FAM227A: variants seen among roughly 807,000 people sequenced by gnomAD.
The protein encoded by FAM227A is family with sequence similarity 227 member A.
Under a neutral mutation model 74.7 loss-of-function variants are expected in FAM227A, and 80 were observed. The observed-to-expected ratio is 1.07, with a 90% CI of 0.89 to 1.29. The LOEUF (loss-of-function observed/expected upper bound fraction) is 1.29. Among genes scored for constraint, FAM227A ranks in the 50% most tolerant of loss-of-function variants. FAM227A has a pLI of 0.00. For synonymous variants in FAM227A, 237 were observed against 241.8 expected, an observed-to-expected ratio of 0.98 and a Z score of 0.19; for missense variants, 654 against 683.4, an observed-to-expected ratio of 0.96 and a Z score of 0.48.
At chr22:38,622,731 C>A (rs1353605874) in intron 10 of FAM227A, among the ~76,000 whole-genome samples, 4 of 151,866 alleles carry the variant, frequency 2.6e-5, no homozygotes, top group African/African-American at 9.7e-5. Flanking sequence ...CAAAAATTAG[C>A]TGGGCGTGGT....
At chr22:38,586,491 T>C (rs989080830) in intron 16 of FAM227A, among the ~76,000 whole-genome samples, 1 of 152,112 alleles carries the variant, frequency 6.6e-6, no homozygotes, top group Admixed American at 6.5e-5. Flanking sequence ...TACTACTCCA[T>C]TGGAGGTGAC....
At chr22:38,613,146 T>TAA (rs1491528157) in intron 11 of FAM227A, among the ~76,000 whole-genome samples, 3 of 90,132 alleles carry the variant, frequency 3.3e-5, no homozygotes, top group African/African-American at 4.7e-5. Flanking sequence ...AATATATATA[T>TAA]TATATATTAT....
At chr22:38,622,680 A>G (rs935965348) in intron 10 of FAM227A, among the ~76,000 whole-genome samples, 9 of 152,112 alleles carry the variant, frequency 5.9e-5, no homozygotes, top group Non-Finnish European at 8.8e-5. Context: ...GTTCAAGACC[A>G]GCCTGGCCAA....
At chr22:38,649,669 C>G (rs1189592927) in intron 2 of FAM227A, among the ~76,000 whole-genome samples, 2 of 151,428 alleles carry the variant, frequency 1.3e-5, no homozygotes, top group Non-Finnish European at 2.9e-5. Context: ...GGGTTCAAGA[C>G]CAGCCTGGCC....
At chr22:38,627,601 T>C (rs775184536) in intron 8 of FAM227A, among the ~76,000 whole-genome samples, 1 of 151,884 alleles carries the variant, frequency 6.6e-6, no homozygotes, top group Non-Finnish European at 1.5e-5. Context: ...GGAAAGTTTT[T>C]TTTTTGTTTG....
At chr22:38,620,078 G>A (rs2091654821) in intron 11 of FAM227A, 134 bp downstream of exon 11, 1 of 635,302 alleles carries the variant, frequency 1.6e-6, no homozygotes, top group African/African-American at 1.8e-5. Flanking sequence ...TCCTCACTTA[G>A]AAGATGGAGT....
At chr22:38,652,590 GAA>G (rs779788341) in intron 1 of FAM227A, among the ~76,000 whole-genome samples, 2 of 59,182 alleles carry the variant, frequency 3.4e-5, no homozygotes, top group African/African-American at 6.4e-5. Flanking sequence ...TCCATCTCAA[GAA>G]AAAAAAAAAA....
chr22:38,632,225 T>C (rs1264092163), intron 6 of FAM227A, among the ~76,000 whole-genome samples: 1 of 152,092 alleles, frequency 6.6e-6, no homozygotes, highest in African/African-American at 2.4e-5. Flanking sequence ...GAAGTAGTGA[T>C]TGGTCTCATG....
chr22:38,647,752 G>C (rs896370449), intron 2 of FAM227A, among the ~76,000 whole-genome samples: 2 of 152,016 alleles, frequency 1.3e-5, no homozygotes, highest in African/African-American at 4.8e-5. Context: ...TTCACATAAA[G>C]CAAGGTTCAC....
chr22:38,588,764 CAAA>C (rs34469783), intron 16 of FAM227A, among the ~76,000 whole-genome samples: 2 of 128,464 alleles, frequency 1.6e-5, no homozygotes, highest in Non-Finnish European at 1.7e-5. Context: ...ACTAAAAATA[CAAA>C]AAAAAAAAAA....
intron 8 of FAM227A, among the ~76,000 whole-genome samples, chr22:38,626,862 T>C (rs1366468562): frequency 6.7e-5 from 2 of 29,662 alleles, no homozygotes; most frequent in African/African-American, 2.3e-4. Flanking sequence ...AGAGACTCTG[T>C]CTCAAAAAAA....
intron 1 of FAM227A, among the ~76,000 whole-genome samples, chr22:38,651,324 A>G (rs1810806557): frequency 1.3e-5 from 2 of 152,210 alleles, no homozygotes; most frequent in Admixed American, 1.3e-4. Context: ...TCCACTAGGC[A>G]AATTATGGAT....
At chr22:38,625,660 T>C (rs1299901075) in intron 9 of FAM227A, among the ~76,000 whole-genome samples, 1 of 151,660 alleles carries the variant, frequency 6.6e-6, no homozygotes, top group Non-Finnish European at 1.5e-5. Context: ...AAAAGGGGAT[T>C]AGGGGCCAGG....
chr22:38,625,400 A>AG (rs921661717), intron 9 of FAM227A, among the ~76,000 whole-genome samples: 3 of 151,318 alleles, frequency 2.0e-5, no homozygotes, highest in African/African-American at 7.3e-5. Context: ...AAAAAAAAAA[A>AG]AAAGAAAGAA....
intron 4 of FAM227A, 77 bp downstream of exon 4, chr22:38,639,578 C>A (rs2092071428): frequency 7.7e-7 from 1 of 1,297,952 alleles, no homozygotes; most frequent in Non-Finnish European, 1.1e-6. Flanking sequence ...ACTTGGGATT[C>A]CTACTCAGTT....
intron 11 of FAM227A, among the ~76,000 whole-genome samples, chr22:38,611,556 A>G (rs1350288821): frequency 1.3e-5 from 2 of 152,196 alleles, no homozygotes; most frequent in African/African-American, 2.4e-5. Context: ...TTGAATCTAT[A>G]AGAATCAATA....
intron 6 of FAM227A, among the ~76,000 whole-genome samples, chr22:38,635,288 A>T (rs975979769): frequency 4.0e-5 from 6 of 150,864 alleles, no homozygotes; most frequent in African/African-American, 1.5e-4. Flanking sequence ...GGAGACAGAG[A>T]TAGAGAGATG....
intron 15 of FAM227A, among the ~76,000 whole-genome samples, chr22:38,594,824 C>G (rs561753060): frequency 6.6e-6 from 1 of 151,822 alleles, no homozygotes; most frequent in Admixed American, 6.6e-5. Flanking sequence ...AAAGGCCAGG[C>G]ATGGTGGCTA....
intron 1 of FAM227A, among the ~76,000 whole-genome samples, chr22:38,651,059 A>G (rs2092314975): frequency 6.6e-6 from 1 of 152,070 alleles, no homozygotes; most frequent in Non-Finnish European, 1.5e-5. Flanking sequence ...CATCTTCTCC[A>G]CAGACATGCA....
Sources: allele counts gnomAD v4.1 joint callset (sites outside exome capture counted in the v4.1 genomes callset), GRCh38; gene constraint gnomAD v4.1.1; transcripts MANE v1.5; gene names NCBI Gene and HGNC (gene_info 2026-07-23, HGNC 2026-07-21).